UGT3A1: variants seen among roughly 807,000 people sequenced by gnomAD.
The protein encoded by UGT3A1 is UDP glycosyltransferase family 3 member A1.
A neutral mutation model predicts 37.6 loss-of-function variants in UGT3A1; 40 were observed. The ratio of observed to expected loss-of-function variants is 1.06; its 90% confidence interval spans 0.83 to 1.38. The LOEUF is 1.38. Among genes scored for constraint, UGT3A1 ranks in the 40% most tolerant of loss-of-function variants. The probability of loss-of-function intolerance (pLI) is 0.00; values close to 1 mark genes in which losing one functional copy is unlikely to be tolerated. For synonymous variants in UGT3A1, 256 were observed against 232.3 expected (o/e 1.10, Z -0.93); for missense variants, 642 against 634.2 (o/e 1.01, Z -0.13).
intron 4 of UGT3A1, among the ~76,000 whole-genome samples, chr5:35,965,112 A>C (rs1018051654): frequency 1.3e-5 from 2 of 152,236 alleles, no homozygotes; most frequent in Admixed American, 1.3e-4. Context: ...TGAAAATAGC[A>C]ACTTTAATTA....
intron 2 of UGT3A1, among the ~76,000 whole-genome samples, chr5:35,982,972 C>T (rs575251093): frequency 6.6e-6 from 1 of 152,132 alleles, no homozygotes; most frequent in Non-Finnish European, 1.5e-5. Context: ...CTCTCCTGCT[C>T]CACCCTGGTA....
At chr5:35,994,110 A>G (rs1306005272), upstream of UGT3A1, among the ~76,000 whole-genome samples, 1 of 152,078 alleles carries the variant, frequency 6.6e-6, no homozygotes, top group Non-Finnish European at 1.5e-5. Context: ...CTTTTGTATC[A>G]GCAGAAAGCA....
At chr5:35,983,172 G>A (rs1005918647) in intron 2 of UGT3A1, among the ~76,000 whole-genome samples, 1 of 139,016 alleles carries the variant, frequency 7.2e-6, no homozygotes, top group Non-Finnish European at 1.5e-5. Flanking sequence ...AAAATAAAAA[G>A]AGAAGATCCA....
intron 5 of UGT3A1, among the ~76,000 whole-genome samples, chr5:35,956,651 G>A (rs897824209): frequency 6.6e-6 from 1 of 152,144 alleles, no homozygotes; most frequent in Non-Finnish European, 1.5e-5. Context: ...ACTCAGCTTG[G>A]CACTAATATT....
At chr5:35,971,283 A>G (rs1237271105) in intron 2 of UGT3A1, among the ~76,000 whole-genome samples, 2 of 152,224 alleles carry the variant, frequency 1.3e-5, no homozygotes, top group Non-Finnish European at 2.9e-5. Context: ...ACGCACAAAA[A>G]GGGATGTGCC....
chr5:35,997,001 C>T (rs1318903459), intron 2 of UGT3A1, among the ~76,000 whole-genome samples: 1 of 152,160 alleles, frequency 6.6e-6, no homozygotes, highest in Non-Finnish European at 1.5e-5. Flanking sequence ...CCTACTCAAT[C>T]TTAATATCCT....
chr5:35,955,573 A>G lies in UGT3A1; in HGVS notation c.1295+72T>C. Reference sequence around the variant, plus strand: ...AGTTTCAGCTATTATTGTGAAAAATACATACACAGTATCCCTTGTGTTTTC... The same window carrying G: ...AGTTTCAGCTATTATTGTGAAAAATGCATACACAGTATCCCTTGTGTTTTC... On this transcript the variant is annotated intron_variant, in intron 6 of 6. Transcript: ENST00000274278. 2.6e-6 allele frequency: 4 copies of G among 1,529,894 alleles called. No homozygotes were observed. In the East Asian group the frequency reaches 6.8e-5, roughly 26 times the overall value. 94.8% of individuals were successfully genotyped at this position (1,529,894 alleles called of 1,614,324 possible). A position where few individuals can be genotyped will look rare whatever the true frequency, so the allele number is the denominator to read the frequency against.
rs1394927789 is a variant in UGT3A1, at chr5:35,965,802, A to G, written c.427T>C (p.Phe143Leu). Residue 143 changes from phenylalanine (F) to leucine (L), a missense_variant, in exon 4 of 7, where the codon TTT becomes CTT. Phe to Leu is a conservative substitution (Grantham distance 22, BLOSUM62 0). Coordinates refer to ENST00000274278, the MANE Select transcript of UGT3A1 (RefSeq NM_152404.4). ...SLKNENYDLVFVEAFDFCSFL... is the reference protein window; with the variant it reads ...SLKNENYDLVLVEAFDFCSFL... ...GAACAGAAATCAAATGCTTCAACAA[A>G]TACCAGATCATAGTTCTCATTCTTT... 1 of 1,614,212 alleles carries G rather than the reference A, an allele frequency of 6.2e-7. No homozygotes were observed. The highest frequency in any genetic ancestry group is 1.1e-5 in the South Asian group (1 of 91,080).
At chr5:35,962,646 A>T (rs1008973710) in intron 4 of UGT3A1, 9 of 510,582 alleles carry the variant, frequency 1.8e-5, no homozygotes, top group Middle Eastern at 8.9e-4. Context: ...AAGCCTGCAC[A>T]TGTGGGGCCT....
At position 35,985,306 on chromosome 5, in the gene UGT3A1, T is replaced by C. The variant is rs533801573; in HGVS notation, c.196+3144A>G. Among the ~76,000 whole-genome samples the C allele has an allele frequency of 1.2e-4, 18 of 152,050 alleles. No individual in the cohort carries two copies. The East Asian group carries it at 2.9e-3, about 24-fold the overall frequency. On this transcript the variant is annotated intron_variant, in intron 2 of 6. Coordinates refer to ENST00000274278, the MANE Select transcript of UGT3A1 (RefSeq NM_152404.4). Reference sequence around the variant, plus strand: ...ACCTAAAGCAAACGTACAAATTCAATGCAATTATTATCAAAATATCAATGA... The same window carrying C: ...ACCTAAAGCAAACGTACAAATTCAACGCAATTATTATCAAAATATCAATGA...
chr5:35,996,204 G>A (rs1253587446), upstream of UGT3A1, among the ~76,000 whole-genome samples: 1 of 152,112 alleles, frequency 6.6e-6, no homozygotes. Context: ...GCTGCCTTAG[G>A]CTGAAACAAA....
At position 35,954,246 on chromosome 5, in the gene UGT3A1, C is replaced by T; in HGVS notation, c.1528G>A (p.Val510Met). ...CTGGCCCCACGCAGCCACCTGGCCACCACACCCAGCAGCTTCCCACAAAGC... is the reference window on the plus strand; with the variant it reads ...CTGGCCCCACGCAGCCACCTGGCCATCACACCCAGCAGCTTCCCACAAAGC... ...MWLCGKLLGV[V>M]ARWLRGARKV... The change falls in exon 7 of 7, where the codon GTG (valine) becomes ATG (methionine). Residue 510 changes from valine (V) to methionine (M), a missense_variant. Val to Met is a conservative substitution (Grantham distance 21). Transcript: ENST00000274278. 1 of 1,614,188 alleles carries T rather than the reference C, an allele frequency of 6.2e-7. No homozygotes were observed. Among genetic ancestry groups the T allele is most frequent in the South Asian group, 1.1e-5 (1 of 91,086 alleles).
At chr5:35,981,339 G>A (rs1263632418) in intron 2 of UGT3A1, among the ~76,000 whole-genome samples, 2 of 152,118 alleles carry the variant, frequency 1.3e-5, no homozygotes, top group African/African-American at 2.4e-5. Context: ...GGCCACAGAA[G>A]AGTGGCCCTT....
intron 1 of UGT3A1, among the ~76,000 whole-genome samples, chr5:35,998,939 TA>T (rs1741157153): frequency 6.6e-6 from 1 of 151,932 alleles, no homozygotes. Flanking sequence ...AAGCAACCCA[TA>T]AAAAATGTAC....
At chr5:35,976,801 T>C (rs903863516) in intron 2 of UGT3A1, among the ~76,000 whole-genome samples, 6 of 149,022 alleles carry the variant, frequency 4.0e-5, no homozygotes, top group Non-Finnish European at 7.4e-5. Flanking sequence ...GCCAGTGCAC[T>C]CTAGCCTGGG....
intron 4 of UGT3A1, among the ~76,000 whole-genome samples, 200 bp from the exon 5 acceptor site, chr5:35,957,619 C>G (rs1739410059): frequency 6.6e-6 from 1 of 152,118 alleles, no homozygotes; most frequent in Non-Finnish European, 1.5e-5. Flanking sequence ...ACCTAGAAGT[C>G]ATTTTTCTGA....
intron 2 of UGT3A1, among the ~76,000 whole-genome samples, chr5:35,971,026 T>C (rs936458549): frequency 6.6e-6 from 1 of 152,196 alleles, no homozygotes; most frequent in East Asian, 1.9e-4. Context: ...CCTATTTCAA[T>C]AGGATCTCAG....
At chr5:35,998,974 C>A (rs576191176) in intron 1 of UGT3A1, among the ~76,000 whole-genome samples, 1 of 152,090 alleles carries the variant, frequency 6.6e-6, no homozygotes, top group Non-Finnish European at 1.5e-5. Flanking sequence ...CGGTGGCTCA[C>A]GCCTGTAATC....
intron 2 of UGT3A1, among the ~76,000 whole-genome samples, chr5:35,972,267 T>TAAGTA (rs1026146572): frequency 6.6e-6 from 1 of 152,156 alleles, no homozygotes; most frequent in African/African-American, 2.4e-5. Flanking sequence ...CAGTTGACTT[T>TAAGTA]AAGTAAGATA....
Sources: gnomAD v4.1 joint callset for allele counts (sites outside exome capture counted in the v4.1 genomes callset) on GRCh38, gnomAD v4.1.1 for gene constraint, MANE v1.5 for transcripts, NCBI Gene and HGNC (gene_info 2026-07-23, HGNC 2026-07-21) for gene names.